MVB12B: variants seen among roughly 807,000 people sequenced by gnomAD.
MVB12B encodes ESCRT-I complex subunit MVB12B.
MVB12B carries 16 observed loss-of-function variants against 41.6 expected under a neutral mutation model. The ratio of observed to expected loss-of-function variants is 0.38; its 90% CI spans 0.26 to 0.58. The LOEUF (loss-of-function observed/expected upper bound fraction) is 0.58, where lower values mean the gene tolerates loss of function less well. MVB12B is among the 20% of genes least tolerant of loss of function. The pLI, the probability that MVB12B is intolerant of heterozygous loss-of-function variation, is 0.62. For missense variants in MVB12B, 274 were observed against 380.2 expected (o/e 0.72, Z 2.32); for synonymous variants, 133 against 139.7 (o/e 0.95, Z 0.34).
At chr9:126,424,341 C>G (rs566622552) in intron 7 of MVB12B, among the ~76,000 whole-genome samples, 1 of 152,284 alleles carries the variant, frequency 6.6e-6, no homozygotes, top group South Asian at 2.1e-4. Flanking sequence ...CACAGAGTTG[C>G]AAGAGACACC....
At chr9:126,405,402 T>C (rs938636725) in intron 6 of MVB12B, among the ~76,000 whole-genome samples, 2 of 152,182 alleles carry the variant, frequency 1.3e-5, no homozygotes, top group East Asian at 3.8e-4. Flanking sequence ...GTTTTCTGTG[T>C]GTCAGAACAG....
At position 126,421,863 on chromosome 9, in the gene MVB12B, C is replaced by A. The variant is rs1270555154; in HGVS notation, c.672C>A (p.Ser224=). 1 of 1,613,798 alleles carries A rather than the reference C, an allele frequency of 6.2e-7. No individual in the cohort carries two copies. Among genetic ancestry groups the A allele is most frequent in the African/African-American group, 1.3e-5 (1 of 75,034 alleles). Residue 224 remains serine (S), a synonymous_variant, in exon 7 of 10, where the codon TCC becomes TCA. Transcript: ENST00000361171. ...TCCTTCTCTTCCTCAGGCACATCTCCCTAACACTTCCTGCCACCTTCCGAG... is the reference window on the plus strand; with the variant it reads ...TCCTTCTCTTCCTCAGGCACATCTCACTAACACTTCCTGCCACCTTCCGAG... ...TPAPNLPRHI[S]LTLPATFRGR...
Position 126,483,881 on chromosome 9 carries a change from G to A in MVB12B, c.814-92G>A, listed in dbSNP as rs939269466. On this transcript the variant is annotated intron_variant, in intron 8 of 9. Transcript: ENST00000361171. ...GTAGAGAAACGCTAGATCACACCGTGGCTTGAGGTGTTACCATTGTCATGC... is the reference window on the plus strand; with the variant it reads ...GTAGAGAAACGCTAGATCACACCGTAGCTTGAGGTGTTACCATTGTCATGC... 6.1e-6 allele frequency: 8 copies of A among 1,303,582 alleles called. No homozygotes were observed. In the African/African-American group the frequency reaches 1.2e-4, roughly 19 times the overall value. 80.8% of individuals were successfully genotyped at this position (1,303,582 alleles called of 1,614,324 possible).
intron 9 of MVB12B, among the ~76,000 whole-genome samples, chr9:126,485,862 G>A (rs1833609408): frequency 6.6e-6 from 1 of 152,196 alleles, no homozygotes; most frequent in African/African-American, 2.4e-5. Flanking sequence ...AGCACGGGGT[G>A]TGTGGCTTCT....
chr9:126,413,995 A>G (rs997409418), intron 6 of MVB12B, among the ~76,000 whole-genome samples: 5 of 152,216 alleles, frequency 3.3e-5, no homozygotes, highest in Non-Finnish European at 7.3e-5. Context: ...AACCATCTTC[A>G]TTATATGTGG....
In MVB12B at chr9:126,503,495, T is replaced by A; in HGVS notation, c.*232T>A. 1 of 569,850 alleles carries A rather than the reference T, an allele frequency of 1.8e-6. No homozygotes were observed. The highest frequency in any genetic ancestry group is 2.9e-5 in the East Asian group (1 of 34,144). 35.3% of individuals were successfully genotyped at this position (569,850 alleles called of 1,614,324 possible). A position where few individuals can be genotyped will look rare whatever the true frequency, so the allele number is the denominator to read the frequency against. Reference sequence around the variant, plus strand: ...ATAACCATGACTAATCTGTGTGTGCTGTAGTGACCAGCGGCTCCTAACGTG... The same window carrying A: ...ATAACCATGACTAATCTGTGTGTGCAGTAGTGACCAGCGGCTCCTAACGTG... On this transcript the variant is annotated 3_prime_UTR_variant, in exon 10 of 10. Coordinates refer to ENST00000361171, the MANE Select transcript of MVB12B (RefSeq NM_033446.3).
At chr9:126,429,422 T>G (rs1444091999) in intron 7 of MVB12B, among the ~76,000 whole-genome samples, 3 of 152,200 alleles carry the variant, frequency 2.0e-5, no homozygotes, top group African/African-American at 7.2e-5. Flanking sequence ...GCACACTGCC[T>G]TGTTTCGATT....
intron 6 of MVB12B, among the ~76,000 whole-genome samples, chr9:126,415,178 G>A (rs569888338): frequency 7.2e-5 from 11 of 152,320 alleles, no homozygotes; most frequent in African/African-American, 1.7e-4. Flanking sequence ...GTACAGGGTC[G>A]TGATCGGGGC....
In MVB12B at chr9:126,489,568, CCT is replaced by C. The variant is rs534152520; in HGVS notation, c.873+5540_873+5541del. Among the ~76,000 whole-genome samples, 21 of 152,358 alleles carry C rather than the reference CCT, an allele frequency of 1.4e-4. 1 individual carries two copies. The South Asian group carries it at 3.7e-3, about 27-fold the overall frequency. On this transcript the variant is annotated intron_variant, in intron 9 of 9. Transcript: ENST00000361171. Reference sequence around the variant, plus strand: ...AAAGGATCTGTGGAAAGACAGAAAACCTCTCACGATTCAGACATGCTCCATGA... The same window carrying C: ...AAAGGATCTGTGGAAAGACAGAAAACCTCACGATTCAGACATGCTCCATGA...
rs767977070 is a variant in MVB12B at position 126,381,060 on chromosome 9, G to A, written c.205-4G>A. The A allele has an allele frequency of 2.7e-5, 43 of 1,613,052 alleles. No individual in the cohort carries two copies. The highest frequency in any genetic ancestry group is 3.6e-5 in the Non-Finnish European group (42 of 1,179,172). On this transcript the variant is annotated splice_region_variant and splice_polypyrimidine_tract_variant and intron_variant, in intron 2 of 9. Transcript: ENST00000361171. ...CAATCCTTTTCTCTGTCTCTCCGGTGTAGGTTGCACAGACAGCAGATGGTG... is the reference window on the plus strand; with the variant it reads ...CAATCCTTTTCTCTGTCTCTCCGGTATAGGTTGCACAGACAGCAGATGGTG...
chr9:126,390,637 T>C (rs1029127392), intron 4 of MVB12B, among the ~76,000 whole-genome samples: 2 of 152,212 alleles, frequency 1.3e-5, no homozygotes, highest in Non-Finnish European at 2.9e-5. Context: ...GGAAAGTTAT[T>C]TTTTACATAT....
At chr9:126,501,878 G>A (rs1038745459) in intron 9 of MVB12B, among the ~76,000 whole-genome samples, 6 of 152,116 alleles carry the variant, frequency 3.9e-5, no homozygotes, top group Non-Finnish European at 8.8e-5. Flanking sequence ...TGGTGGGCAG[G>A]GCGTGGGCAC....
At chr9:126,435,091 T>TG (rs1404876623) in intron 7 of MVB12B, among the ~76,000 whole-genome samples, 1 of 152,208 alleles carries the variant, frequency 6.6e-6, no homozygotes, top group Non-Finnish European at 1.5e-5. Context: ...CTTTTTTTTT[T>TG]TGTAATTTTG....
In MVB12B at chr9:126,503,627, C is replaced by A. The variant is rs201530400; in HGVS notation, c.*364C>A. On this transcript the variant is annotated 3_prime_UTR_variant, in exon 10 of 10. Coordinates refer to ENST00000361171, the MANE Select transcript of MVB12B (RefSeq NM_033446.3). ...CCCAGTGACGCCCACCGGCTCCCTC[C>A]GCTCCCTCCTGTCACCTACCAGGGC... The A allele has an allele frequency of 1.0e-5, 2 of 195,410 alleles. No individual in the cohort carries two copies. The highest frequency in any genetic ancestry group is 1.8e-5 in the Non-Finnish European group (2 of 112,450). The allele number at this position is 195,410 out of a possible 1,614,324, so 12.1% of individuals were successfully genotyped here.
At chr9:126,414,470 C>G (rs1263733778) in intron 6 of MVB12B, among the ~76,000 whole-genome samples, 3 of 152,176 alleles carry the variant, frequency 2.0e-5, no homozygotes, top group Non-Finnish European at 4.4e-5. Context: ...AGGGACTGTT[C>G]CAGTTACAAT....
Position 126,459,106 on chromosome 9 carries a change from G to A in MVB12B, c.758-22263G>A, listed in dbSNP as rs1286277301. 1.3e-5 allele frequency among the ~76,000 whole-genome samples: 2 copies of A among 152,190 alleles called. No individual in the cohort carries two copies. Among genetic ancestry groups the A allele is most frequent in the East Asian group, 1.9e-4 (1 of 5,194 alleles). Reference sequence around the variant, plus strand: ...AAGGGCTCAGATCACAGCAGGTCTGGACCTAAGAGAACCCCCAGGTTGGGT... The same window carrying A: ...AAGGGCTCAGATCACAGCAGGTCTGAACCTAAGAGAACCCCCAGGTTGGGT... On this transcript the variant is annotated intron_variant, in intron 7 of 9. Coordinates refer to ENST00000361171, the MANE Select transcript of MVB12B (RefSeq NM_033446.3). This position sits in a 1 kb window ranked among gnomAD's most constrained non-coding sequence, Gnocchi z 4.3.
intron 7 of MVB12B, among the ~76,000 whole-genome samples, chr9:126,437,091 T>G (rs1170660098): frequency 6.6e-6 from 1 of 152,184 alleles, no homozygotes; most frequent in Non-Finnish European, 1.5e-5. Context: ...GGAGCTGAGC[T>G]GCCGTGTGGG....
intron 2 of MVB12B, among the ~76,000 whole-genome samples, chr9:126,361,734 A>G (rs933394641): frequency 6.6e-6 from 1 of 152,026 alleles, no homozygotes; most frequent in Admixed American, 6.6e-5. Flanking sequence ...TTCTTTCAGT[A>G]CTTTAAAGAT....
At chr9:126,349,340 C>T (rs1478217960) in intron 2 of MVB12B, among the ~76,000 whole-genome samples, 1 of 152,148 alleles carries the variant, frequency 6.6e-6, no homozygotes, top group African/African-American at 2.4e-5. Context: ...AAGGCATGCA[C>T]ACAAGCAAGT....
Sources: gnomAD v4.1 joint callset for allele counts (sites outside exome capture counted in the v4.1 genomes callset) on GRCh38, gnomAD v4.1.1 for gene constraint, Gnocchi (gnomAD v3.1) non-coding constraint, MANE v1.5 for transcripts, NCBI Gene and HGNC (gene_info 2026-07-23, HGNC 2026-07-21) for gene names.